The following NALF1 variants were observed in gnomAD, a reference collection of about 807,000 sequenced individuals.
NALF1 encodes family with sequence similarity 155 member A.
In NALF1, 3 loss-of-function variants were observed where a neutral mutation model predicts 48.4. The observed-to-expected ratio is 0.06, with a 90% CI of 0.03 to 0.16. The LOEUF (loss-of-function observed/expected upper bound fraction) is 0.16, where lower values mean the gene tolerates loss of function less well. Among genes scored for constraint, NALF1 ranks in the 10% least tolerant of loss-of-function variants. The pLI is 1.00. For synonymous variants in NALF1, 262 were observed against 245.7 expected (o/e 1.07, Z -0.62); for missense variants, 526 against 571.5 (o/e 0.92, Z 0.81).
chr13:107,445,527 C>T (rs1342439091), intron 1 of NALF1, among the ~76,000 whole-genome samples: 1 of 152,112 alleles, frequency 6.6e-6, no homozygotes, highest in African/African-American at 2.4e-5. Context: ...TAAAACCATG[C>T]GTGTACAGGT....
At chr13:107,259,128 G>C (rs762863541) in intron 1 of NALF1, among the ~76,000 whole-genome samples, 17 of 152,166 alleles carry the variant, frequency 1.1e-4, no homozygotes, top group Non-Finnish European at 2.1e-4. Context: ...TCAGGGGAAA[G>C]TGTGCCCTAT....
intron 1 of NALF1, among the ~76,000 whole-genome samples, chr13:107,620,385 A>T (rs9301246): frequency 0.58 from 88,364 of 152,132 alleles, 28,070 homozygotes; most frequent in East Asian, 0.99. Context: ...TGATACAGGA[A>T]AATCTTTAAT....
chr13:107,214,634 G>A (rs1367922991), intron 1 of NALF1, among the ~76,000 whole-genome samples: 1 of 151,990 alleles, frequency 6.6e-6, no homozygotes. Flanking sequence ...ATTTCAAATG[G>A]CCCACCGCCC....
At chr13:107,270,778 AG>A (rs1594098397) in intron 1 of NALF1, among the ~76,000 whole-genome samples, 1 of 151,868 alleles carries the variant, frequency 6.6e-6, no homozygotes, top group East Asian at 1.9e-4. Context: ...CTCGTCATTT[AG>A]CATTAGGTAT....
chr13:107,582,179 T>G (rs974836003), intron 1 of NALF1, among the ~76,000 whole-genome samples: 2 of 152,174 alleles, frequency 1.3e-5, no homozygotes, highest in African/African-American at 4.8e-5. Context: ...ATAAATGACA[T>G]AAATCCTTTA....
At chr13:107,220,638 T>G (rs900612679) in intron 1 of NALF1, among the ~76,000 whole-genome samples, 1 of 152,174 alleles carries the variant, frequency 6.6e-6, no homozygotes, top group Non-Finnish European at 1.5e-5. Flanking sequence ...GTTAAAAATT[T>G]CATCATAAGA....
chr13:107,402,645 A>G (rs1381896998), intron 1 of NALF1, among the ~76,000 whole-genome samples: 2 of 152,170 alleles, frequency 1.3e-5, no homozygotes, highest in African/African-American at 2.4e-5. Context: ...GCATCATTAA[A>G]ATACATTTTC....
At chr13:107,342,937 T>A (rs1458496363) in intron 1 of NALF1, among the ~76,000 whole-genome samples, 3 of 151,994 alleles carry the variant, frequency 2.0e-5, no homozygotes, top group Non-Finnish European at 2.9e-5. Flanking sequence ...CAGGAGGAGA[T>A]CTTAACACCT....
At chr13:107,686,127 C>A (rs1881428569) in intron 1 of NALF1, among the ~76,000 whole-genome samples, 2 of 152,110 alleles carry the variant, frequency 1.3e-5, no homozygotes, top group South Asian at 4.1e-4. Context: ...GAATGAGGAC[C>A]ACAGGAAAAG....
intron 1 of NALF1, among the ~76,000 whole-genome samples, chr13:107,805,365 C>T (rs1338605649): frequency 1.3e-5 from 2 of 152,126 alleles, no homozygotes; most frequent in Non-Finnish European, 2.9e-5. Context: ...GCTATCAGTA[C>T]TTGTTATTTC....
At chr13:107,384,550 A>C (rs1189350370) in intron 1 of NALF1, among the ~76,000 whole-genome samples, 2 of 152,048 alleles carry the variant, frequency 1.3e-5, no homozygotes, top group Non-Finnish European at 2.9e-5. Context: ...CTTTATCGTG[A>C]CTAAAATAAA....
intron 1 of NALF1, among the ~76,000 whole-genome samples, chr13:107,589,406 A>T (rs957459136): frequency 6.6e-6 from 1 of 152,074 alleles, no homozygotes; most frequent in Non-Finnish European, 1.5e-5. Context: ...GTGTATAAAA[A>T]TAATTGCTGA....
At chr13:107,861,035 A>T (rs1302450873) in intron 1 of NALF1, among the ~76,000 whole-genome samples, 3 of 152,234 alleles carry the variant, frequency 2.0e-5, no homozygotes, top group Non-Finnish European at 4.4e-5. Context: ...TATGTATTCC[A>T]TGGTCTGTGA....
At chr13:107,583,548 T>C (rs953524156) in intron 1 of NALF1, among the ~76,000 whole-genome samples, 5 of 152,180 alleles carry the variant, frequency 3.3e-5, no homozygotes, top group African/African-American at 1.2e-4. Flanking sequence ...ATTGTGATTT[T>C]AAGACCAGTT....
intron 1 of NALF1, among the ~76,000 whole-genome samples, chr13:107,439,568 G>T (rs575429644): frequency 1.6e-4 from 25 of 152,136 alleles, no homozygotes; most frequent in Non-Finnish European, 3.5e-4. Flanking sequence ...AGAAAGAAGG[G>T]CTCCTCTCCA....
chr13:107,713,144 T>A (rs1020222662), intron 1 of NALF1, among the ~76,000 whole-genome samples: 32 of 152,326 alleles, frequency 2.1e-4, no homozygotes, highest in African/African-American at 6.3e-4. Flanking sequence ...GCAAATTTTC[T>A]TCGGAAGTAG....
intron 1 of NALF1, among the ~76,000 whole-genome samples, chr13:107,599,715 C>T (rs1032931750): frequency 1.3e-5 from 2 of 152,096 alleles, no homozygotes; most frequent in African/African-American, 4.8e-5. Context: ...ATCCAGTCTT[C>T]TGTGAATTTT....
intron 1 of NALF1, among the ~76,000 whole-genome samples, chr13:107,378,831 T>C (rs1883384078): frequency 6.6e-6 from 1 of 152,190 alleles, no homozygotes; most frequent in Non-Finnish European, 1.5e-5. Flanking sequence ...TTTTAAAATA[T>C]TATTGTTGAA....
At chr13:107,267,553 T>C (rs1440793966) in intron 1 of NALF1, among the ~76,000 whole-genome samples, 1 of 152,200 alleles carries the variant, frequency 6.6e-6, no homozygotes, top group Non-Finnish European at 1.5e-5. Flanking sequence ...AAAAAAAATG[T>C]ATTCCACTCA....
Sources: gnomAD v4.1 joint callset for allele counts (sites outside exome capture counted in the v4.1 genomes callset) on GRCh38, gnomAD v4.1.1 for gene constraint, MANE v1.5 for transcripts, NCBI Gene and HGNC (gene_info 2026-07-23, HGNC 2026-07-21) for gene names.